Variants in ADAM12 observed in about 807,000 individuals in gnomAD.
ADAM12 encodes the protein disintegrin and metalloproteinase domain-containing protein 12.
ADAM12 carries 70 observed loss-of-function variants against 106.4 expected under a neutral mutation model. The observed-to-expected ratio is 0.66, with a 90% CI of 0.54 to 0.80. The LOEUF is 0.80. Among genes scored for constraint, ADAM12 ranks in the 30% least tolerant of loss-of-function variants. The probability of loss-of-function intolerance (pLI) is 0.00; values close to 1 mark genes in which losing one functional copy is unlikely to be tolerated. For missense variants in ADAM12, 1,010 were observed against 1,171.9 expected (o/e 0.86, Z 2.02); for synonymous variants, 420 against 433.5 (o/e 0.97, Z 0.39).
At chr10:126,298,849 A>G (rs1226978315) in intron 2 of ADAM12, among the ~76,000 whole-genome samples, 2 of 152,226 alleles carry the variant, frequency 1.3e-5, no homozygotes, top group East Asian at 3.8e-4. Context: ...TGGTTCAAAG[A>G]AACAATTGTC....
intron 2 of ADAM12, among the ~76,000 whole-genome samples, chr10:126,327,539 T>G (rs1854348088): frequency 6.6e-6 from 1 of 152,036 alleles, no homozygotes. Context: ...GGAGGATTGC[T>G]TGAGCCCAGG....
At chr10:126,147,525 T>A (rs1024597697) in intron 4 of ADAM12, among the ~76,000 whole-genome samples, 1 of 152,220 alleles carries the variant, frequency 6.6e-6, no homozygotes, top group African/African-American at 2.4e-5. Flanking sequence ...CTATACGCTA[T>A]GACTTTCATC....
intron 18 of ADAM12, among the ~76,000 whole-genome samples, chr10:126,039,877 T>TTA (rs1954129172): frequency 6.6e-6 from 1 of 152,244 alleles, no homozygotes; most frequent in Admixed American, 6.5e-5. Flanking sequence ...GGGTTCTGCT[T>TTA]TATCTCTTTT....
chr10:126,340,393 C>G (rs560697434), intron 1 of ADAM12, among the ~76,000 whole-genome samples: 17 of 152,250 alleles, frequency 1.1e-4, no homozygotes, highest in African/African-American at 3.9e-4. Flanking sequence ...TTGTTTAAAC[C>G]CAACAACAAC....
At chr10:126,257,794 C>T (rs1044473136) in intron 3 of ADAM12, among the ~76,000 whole-genome samples, 1 of 152,068 alleles carries the variant, frequency 6.6e-6, no homozygotes, top group African/African-American at 2.4e-5. Flanking sequence ...ATTATAAAAC[C>T]AGTCAGCCTT....
At position 126,384,141 on chromosome 10, in the gene ADAM12, G is replaced by A. The variant is rs150909748; in HGVS notation, c.88+3917C>T. 1.7e-3 allele frequency among the ~76,000 whole-genome samples: 254 copies of A among 152,236 alleles called. 3 individuals are homozygous for A. The highest frequency in any genetic ancestry group is 0.01 in the Middle Eastern group (3 of 294). ...CATAAAGGCAAAAGTCAACATCTACGTATCGCAGATAGAAATAAAAGAAAG... is the reference window on the plus strand; with the variant it reads ...CATAAAGGCAAAAGTCAACATCTACATATCGCAGATAGAAATAAAAGAAAG... On this transcript the variant is annotated intron_variant, in intron 1 of 22. Transcript: ENST00000448723.
chr10:126,218,264 A>G (rs1958026058), intron 3 of ADAM12, among the ~76,000 whole-genome samples: 1 of 152,202 alleles, frequency 6.6e-6, no homozygotes, highest in Non-Finnish European at 1.5e-5. Flanking sequence ...GTGCCCCGAC[A>G]ACAGGCGTAA....
At chr10:126,149,121 C>T (rs980720631) in intron 4 of ADAM12, among the ~76,000 whole-genome samples, 5 of 152,226 alleles carry the variant, frequency 3.3e-5, no homozygotes, top group Non-Finnish European at 5.9e-5. Context: ...AGCAGACATT[C>T]ACCCTTTCAC....
intron 20 of ADAM12, among the ~76,000 whole-genome samples, chr10:126,036,770 T>G (rs1590316016): frequency 6.6e-6 from 1 of 152,086 alleles, no homozygotes; most frequent in Non-Finnish European, 1.5e-5. Flanking sequence ...AGGGCTGAGG[T>G]TGGGGCTTGG....
Position 126,108,662 on chromosome 10 carries a change from A to C in ADAM12, c.672T>G (p.Phe224Leu). Residue 224 changes from phenylalanine to leucine, a missense_variant and splice_region_variant, in exon 8 of 23, where the codon TTT (phenylalanine) becomes TTG (leucine). By Grantham distance (22) the Phe-to-Leu change is conservative. Coordinates refer to ENST00000448723, the MANE Select transcript of ADAM12 (RefSeq NM_001288973.2). The part of the protein sequence containing the change: ...ELVIVADNRE[F>L]QRQGKDLEKV... ...TTTCCAGATCTTTTCCTTGCCTCTG[A>C]AACTTAACAATTTTAAATGGCAGCA... The C allele has an allele frequency of 6.2e-7, 1 of 1,613,312 alleles. No homozygotes were observed. Among genetic ancestry groups the C allele is most frequent in the Non-Finnish European group, 8.5e-7 (1 of 1,179,220 alleles).
At chr10:126,099,960 T>C (rs2133576832) in intron 9 of ADAM12, among the ~76,000 whole-genome samples, 1 of 144,998 alleles carries the variant, frequency 6.9e-6, no homozygotes, top group East Asian at 2.0e-4. Context: ...ATCTACTTCA[T>C]ACTAATTTAG....
intron 3 of ADAM12, among the ~76,000 whole-genome samples, chr10:126,185,082 C>A (rs988833757): frequency 6.6e-6 from 1 of 152,194 alleles, no homozygotes; most frequent in African/African-American, 2.4e-5. Flanking sequence ...GCCATATATC[C>A]TTTCAGGACC....
chr10:126,274,426 A>T (rs1465861702), intron 3 of ADAM12, among the ~76,000 whole-genome samples: 1 of 152,164 alleles, frequency 6.6e-6, no homozygotes, highest in Non-Finnish European at 1.5e-5. Flanking sequence ...TGCAGGTCTC[A>T]TTCACAAGAA....
At chr10:126,253,232 T>C (rs557460002) in intron 3 of ADAM12, among the ~76,000 whole-genome samples, 25 of 152,326 alleles carry the variant, frequency 1.6e-4, no homozygotes, top group African/African-American at 6.0e-4. Context: ...TACTGCAATT[T>C]TTTTTTTTAA....
intron 2 of ADAM12, among the ~76,000 whole-genome samples, chr10:126,307,781 C>T (rs1960914400): frequency 1.3e-5 from 2 of 152,084 alleles, no homozygotes; most frequent in South Asian, 4.1e-4. Context: ...TTTGTAGATA[C>T]AGAGTTTCGC....
chr10:126,318,634 G>C (rs1330629531), intron 2 of ADAM12, among the ~76,000 whole-genome samples: 1 of 152,052 alleles, frequency 6.6e-6, no homozygotes, highest in Admixed American at 6.6e-5. Context: ...GTATGTCAAA[G>C]AGACACAGGA....
intron 4 of ADAM12, among the ~76,000 whole-genome samples, chr10:126,150,470 C>T (rs1956709228): frequency 6.6e-6 from 1 of 152,182 alleles, no homozygotes. Context: ...ATCTCCTCTG[C>T]CTTCCAACCA....
intron 3 of ADAM12, among the ~76,000 whole-genome samples, chr10:126,207,827 T>G (rs551844091): frequency 1.6e-4 from 25 of 152,330 alleles, no homozygotes; most frequent in South Asian, 8.3e-4. Context: ...TCTCAGGAAT[T>G]AGAGATTCAA....
chr10:126,372,244 G>A (rs1324550628), intron 1 of ADAM12, among the ~76,000 whole-genome samples: 1 of 152,172 alleles, frequency 6.6e-6, no homozygotes, highest in Non-Finnish European at 1.5e-5. Context: ...AAGGCATGAG[G>A]ACAAACCTCA....
Sources: allele counts gnomAD v4.1 joint callset (sites outside exome capture counted in the v4.1 genomes callset), GRCh38; gene constraint gnomAD v4.1.1; transcripts MANE v1.5; gene names NCBI Gene and HGNC (gene_info 2026-07-23, HGNC 2026-07-21).